DROSHA: variants seen among roughly 807,000 people sequenced by gnomAD.
DROSHA encodes the protein ribonuclease 3.
A neutral mutation model predicts 181.9 loss-of-function variants in DROSHA; 56 were observed. That is an observed-to-expected ratio of 0.31 (90% CI 0.25 to 0.38). The LOEUF is 0.38. Among genes scored for constraint, DROSHA ranks in the 10% least tolerant of loss-of-function variants. The pLI is 1.00. For synonymous variants in DROSHA, 524 were observed against 591.2 expected, an observed-to-expected ratio of 0.89 and a Z score of 1.65; for missense variants, 1,218 against 1,743.5, an observed-to-expected ratio of 0.70 and a Z score of 5.37.
intron 35 of DROSHA, among the ~76,000 whole-genome samples, chr5:31,405,071 T>C (rs1429990833): frequency 1.3e-5 from 2 of 152,138 alleles, no homozygotes; most frequent in Non-Finnish European, 2.9e-5. Flanking sequence ...GAGAAATGTA[T>C]GAAAGAAAAC....
At position 31,429,476 on chromosome 5, in the gene DROSHA, G is replaced by A. The variant is rs542828086; in HGVS notation, c.3215C>T (p.Pro1072Leu). Residue 1072 changes from proline to leucine, a missense_variant and splice_region_variant, in exon 27 of 36, where the codon CCG becomes CTG. Coordinates refer to ENST00000344624, the MANE Select transcript of DROSHA (RefSeq NM_001382508.1). ...AATCAAATGATTCCATAGAAATACC[G>A]GATCATTAAAGAGCAAGCGTCCAAA... Reference protein sequence around the residue: ...QLFGRLLFNDPDLREVWLNYP... With the variant: ...QLFGRLLFNDLDLREVWLNYP... The A allele has an allele frequency of 2.9e-5, 47 of 1,608,952 alleles. No individual in the cohort carries two copies. Among genetic ancestry groups the A allele is most frequent in the East Asian group, 8.9e-5 (4 of 44,726 alleles).
Position 31,495,315 on chromosome 5 carries a change from T to G in DROSHA, c.1726A>C (p.Ile576Leu), listed in dbSNP as rs368688639. ...AAGTTCGTAGGCGGGGAGACTGTGA[T>G]CCGGTAGTGGAAAAGTCTGCCAGCA... ...NNAGRLFHYR[I>L]TVSPPTNFLT... The change falls in exon 12 of 36, where the codon ATC becomes CTC. Residue 576 changes from isoleucine to leucine, a missense_variant. By Grantham distance (5) the Ile-to-Leu change is conservative. Coordinates refer to ENST00000344624, the MANE Select transcript of DROSHA (RefSeq NM_001382508.1). 36 of 1,613,950 alleles carry G rather than the reference T, an allele frequency of 2.2e-5. No individual in the cohort carries two copies. Among genetic ancestry groups the G allele is most frequent in the Non-Finnish European group, 3.1e-5 (36 of 1,179,844 alleles).
intron 15 of DROSHA, among the ~76,000 whole-genome samples, chr5:31,484,346 AGT>A (rs1242953088): frequency 4.4e-5 from 5 of 113,050 alleles, no homozygotes; most frequent in African/African-American, 2.0e-4. Context: ...TGCAGTCCGC[AGT>A]CCGGCCTGGG....
Position 31,449,358 on chromosome 5 carries a change from T to A in DROSHA, c.2744A>T (p.Asn915Ile). 6.2e-7 allele frequency: 1 copy of A among 1,611,162 alleles called. No individual in the cohort carries two copies. ...NFGMNPDHARNSLSNCGIRQP... is the reference protein window; with the variant it reads ...NFGMNPDHARISLSNCGIRQP... ...CCGAATTCCACAGTTAGATAATGAA[T>A]TCCTGGCATGATCAGGATTCATTCC... The change falls in exon 22 of 36, where the codon AAT becomes ATT. Residue 915 changes from asparagine to isoleucine, a missense_variant. Transcript: ENST00000344624.
chr5:31,453,228 C>A (rs1747239824), intron 20 of DROSHA, among the ~76,000 whole-genome samples: 1 of 152,148 alleles, frequency 6.6e-6, no homozygotes, highest in African/African-American at 2.4e-5. Context: ...CAGGGTCTCA[C>A]TCTGTCACCC....
At chr5:31,505,986 C>A (rs183320063) in intron 10 of DROSHA, among the ~76,000 whole-genome samples, 1 of 152,144 alleles carries the variant, frequency 6.6e-6, no homozygotes, top group Non-Finnish European at 1.5e-5. Flanking sequence ...GGAATAATAT[C>A]GCTACCAAAA....
intron 6 of DROSHA, among the ~76,000 whole-genome samples, chr5:31,520,488 A>T (rs900017273): frequency 6.6e-6 from 1 of 152,176 alleles, no homozygotes; most frequent in African/African-American, 2.4e-5. Context: ...CACTTACTTC[A>T]GGCCCAGTTC....
At chr5:31,520,951 T>C (rs1739823519) in intron 6 of DROSHA, among the ~76,000 whole-genome samples, 172 bp downstream of exon 6, 2 of 152,232 alleles carry the variant, frequency 1.3e-5, no homozygotes, top group South Asian at 2.1e-4. Context: ...GCATAATCAA[T>C]GCATCTTGAA....
At chr5:31,443,639 A>G (rs1745918845) in intron 23 of DROSHA, among the ~76,000 whole-genome samples, 1 of 152,144 alleles carries the variant, frequency 6.6e-6, no homozygotes, top group South Asian at 2.1e-4. Context: ...CATAAAAGTT[A>G]ATTATTTTGT....
rs1480723706 is a variant in DROSHA at position 31,401,075 on chromosome 5, T to C, written c.*357A>G. 1 of 269,840 alleles carries C rather than the reference T, an allele frequency of 3.7e-6. No individual in the cohort carries two copies. Among genetic ancestry groups the C allele is most frequent in the Non-Finnish European group, 7.3e-6 (1 of 136,974 alleles). The allele number at this position is 269,840 out of a possible 1,614,324, so 16.7% of individuals were successfully genotyped here. On this transcript the variant is annotated 3_prime_UTR_variant, in exon 36 of 36. Coordinates refer to ENST00000344624, the MANE Select transcript of DROSHA (RefSeq NM_001382508.1). ...CAGTCAAAATGTCTAGTAAAGTCAA[T>C]TTTTTACTTGTCAATTGAAAGTCTA...
chr5:31,497,333 T>C (rs766212696), intron 11 of DROSHA, among the ~76,000 whole-genome samples: 30 of 152,182 alleles, frequency 2.0e-4, no homozygotes, highest in Non-Finnish European at 3.8e-4. Flanking sequence ...CTTCCTGGCC[T>C]ATGGTGTCAC....
At chr5:31,492,812 C>T (rs529265428) in intron 13 of DROSHA, among the ~76,000 whole-genome samples, 64 of 152,338 alleles carry the variant, frequency 4.2e-4, no homozygotes, top group African/African-American at 1.5e-3. Flanking sequence ...ATTCAGGCTC[C>T]AAACGTTCTG....
Position 31,526,606 on chromosome 5 carries a change from G to A in DROSHA, c.327C>T (p.His109=). 1 of 1,522,948 alleles carries A rather than the reference G, an allele frequency of 6.6e-7. No individual in the cohort carries two copies. The highest frequency in any genetic ancestry group is 8.8e-7 in the Non-Finnish European group (1 of 1,137,970). 94.3% of individuals were successfully genotyped at this position (1,522,948 alleles called of 1,614,324 possible). The change falls in exon 5 of 36, where the codon CAC becomes CAT. Residue 109 remains histidine (H), a synonymous_variant. Transcript: ENST00000344624. The part of the protein sequence containing the change: ...RPPFPNHQMR[H]PFPVPPCFPP... ...GAAAACAAGGAGGAACTGGGAAGGG[G>A]TGCCTCATCTGGTGGTTGGGGAAAG...
intron 5 of DROSHA, 79 bp from the exon 6 acceptor site, chr5:31,521,294 T>C: frequency 1.4e-6 from 2 of 1,479,372 alleles, no homozygotes; most frequent in Non-Finnish European, 1.9e-6. Context: ...ATTCATCTTG[T>C]AAATAAATGG....
chr5:31,439,873 G>C (rs1275748758), intron 23 of DROSHA, among the ~76,000 whole-genome samples: 1 of 152,078 alleles, frequency 6.6e-6, no homozygotes, highest in East Asian at 1.9e-4. Context: ...AGAGCCCATG[G>C]GGCCTGAGCA....
intron 25 of DROSHA, among the ~76,000 whole-genome samples, chr5:31,433,369 C>G (rs761244315): frequency 7.9e-5 from 12 of 152,134 alleles, no homozygotes; most frequent in Non-Finnish European, 1.0e-4. Flanking sequence ...TGTTTCACAA[C>G]TTCACTGGGA....
At chr5:31,488,060 A>G (rs1046400974) in intron 13 of DROSHA, among the ~76,000 whole-genome samples, 1 of 152,172 alleles carries the variant, frequency 6.6e-6, no homozygotes, top group African/African-American at 2.4e-5. Flanking sequence ...AAAACAAACA[A>G]GCAACAAAAA....
At chr5:31,434,707 AATCAAACTTTCAT>A (rs1310174793) in intron 25 of DROSHA, among the ~76,000 whole-genome samples, 1 of 152,214 alleles carries the variant, frequency 6.6e-6, no homozygotes, top group African/African-American at 2.4e-5. Context: ...TTTCTATCAA[AATCAAACTTTCAT>A]ATCAAAATGA....
intron 18 of DROSHA, chr5:31,467,726 T>C: frequency 4.3e-6 from 2 of 469,616 alleles, no homozygotes; most frequent in East Asian, 4.7e-5. Context: ...AAATATTCTA[T>C]TGAATAATAG....
Sources: gnomAD v4.1 joint callset for allele counts (sites outside exome capture counted in the v4.1 genomes callset) on GRCh38, gnomAD v4.1.1 for gene constraint, MANE v1.5 for transcripts, NCBI Gene and HGNC (gene_info 2026-07-23, HGNC 2026-07-21) for gene names.